Variants in SYNPO2 observed in about 807,000 individuals in gnomAD.
The protein encoded by SYNPO2 is synaptopodin 2.
A neutral mutation model predicts 85.0 loss-of-function variants in SYNPO2; 56 were observed. The observed-to-expected ratio is 0.66, with a 90% CI of 0.53 to 0.82. The LOEUF (loss-of-function observed/expected upper bound fraction) is 0.82. Among genes scored for constraint, SYNPO2 ranks in the 40% least tolerant of loss-of-function variants. The probability of loss-of-function intolerance (pLI) is 0.00; values close to 1 mark genes in which losing one functional copy is unlikely to be tolerated. For synonymous variants in SYNPO2, 602 were observed against 591.1 expected (o/e 1.02, Z -0.27); for missense variants, 1,575 against 1,534.2 (o/e 1.03, Z -0.44).
intron 1 of SYNPO2, among the ~76,000 whole-genome samples, chr4:118,902,919 T>C (rs1239278982): frequency 2.0e-5 from 3 of 152,204 alleles, no homozygotes; most frequent in Non-Finnish European, 2.9e-5. Context: ...TAATGTGTCT[T>C]AATTTCAGTT....
At chr4:118,855,657 T>C (rs531517613) in intron 1 of SYNPO2, among the ~76,000 whole-genome samples, 3 of 152,288 alleles carry the variant, frequency 2.0e-5, no homozygotes, top group Admixed American at 1.3e-4. Flanking sequence ...AATTAGACTA[T>C]AGTAAAATAA....
intron 1 of SYNPO2, among the ~76,000 whole-genome samples, chr4:118,975,495 A>C (rs1735689237): frequency 6.6e-6 from 1 of 152,204 alleles, no homozygotes; most frequent in South Asian, 2.1e-4. Flanking sequence ...AGGACTTGGG[A>C]TATCTACTAA....
At chr4:118,931,148 C>G (rs1183517780) in intron 1 of SYNPO2, among the ~76,000 whole-genome samples, 1 of 151,834 alleles carries the variant, frequency 6.6e-6, no homozygotes, top group Non-Finnish European at 1.5e-5. Flanking sequence ...AAATACCTTA[C>G]AGGACTTTTC....
chr4:118,980,380 TAG>T (rs1019119311), intron 1 of SYNPO2, among the ~76,000 whole-genome samples: 2 of 152,170 alleles, frequency 1.3e-5, no homozygotes, highest in African/African-American at 4.8e-5. Context: ...GCTTTTCTGG[TAG>T]AGTCTATCCA....
At chr4:118,904,559 G>A (rs1316404218) in intron 1 of SYNPO2, among the ~76,000 whole-genome samples, 1 of 152,192 alleles carries the variant, frequency 6.6e-6, no homozygotes, top group African/African-American at 2.4e-5. Context: ...ATAGGACACT[G>A]ATCTCTGAAT....
At chr4:118,856,531 T>C (rs1257114423) in intron 1 of SYNPO2, among the ~76,000 whole-genome samples, 1 of 152,138 alleles carries the variant, frequency 6.6e-6, no homozygotes, top group Non-Finnish European at 1.5e-5. Flanking sequence ...TATTTCATTT[T>C]ATTTTATGTT....
intron 1 of SYNPO2, among the ~76,000 whole-genome samples, chr4:118,930,842 C>T (rs1043120472): frequency 6.0e-5 from 9 of 150,364 alleles, no homozygotes; most frequent in East Asian, 2.0e-4. Context: ...CACTTGAGCC[C>T]GGAAGGTTGA....
intron 1 of SYNPO2, among the ~76,000 whole-genome samples, chr4:118,946,896 A>T (rs958354297): frequency 5.3e-5 from 8 of 152,198 alleles, no homozygotes; most frequent in Non-Finnish European, 1.0e-4. Context: ...CATTAAAAGA[A>T]ATATATTTAG....
At chr4:118,874,445 T>C (rs534264086) in intron 1 of SYNPO2, among the ~76,000 whole-genome samples, 10 of 152,338 alleles carry the variant, frequency 6.6e-5, no homozygotes, top group African/African-American at 2.4e-4. Flanking sequence ...AATTCTCTCC[T>C]AATTTGTGTG....
rs943805451 is a variant in SYNPO2 at position 119,031,531 on chromosome 4, C to G, written c.2756C>G (p.Ala919Gly). ...ASWKYSSNVR[A>G]PPPVAYNPIH... ...TGGAAGTACTCCTCCAATGTCCGAG[C>G]ACCTCCTCCTGTGGCCTATAATCCT... Residue 919 changes from alanine (A) to glycine (G), a missense_variant, in exon 4 of 5, where the codon GCA (alanine) becomes GGA (glycine). Physicochemically the swap from Ala to Gly is moderately conservative, Grantham distance 60. This residue lies in a region of SYNPO2 where 1,508 missense variants were observed against 1,446.8 expected (regional missense o/e 1.04). Transcript: ENST00000307142. The G allele has an allele frequency of 5.6e-6, 9 of 1,614,186 alleles. No individual in the cohort carries two copies. The highest frequency in any genetic ancestry group is 7.6e-6 in the Non-Finnish European group (9 of 1,180,020).
intron 1 of SYNPO2, among the ~76,000 whole-genome samples, chr4:119,015,597 T>C (rs553805177): frequency 1.3e-5 from 2 of 152,354 alleles, no homozygotes; most frequent in East Asian, 3.9e-4. Context: ...ACTTTATTAA[T>C]GCAGAAATGC....
chr4:119,010,504 TC>T (rs1175369548), intron 1 of SYNPO2, among the ~76,000 whole-genome samples: 2 of 151,716 alleles, frequency 1.3e-5, no homozygotes, highest in East Asian at 1.9e-4. Flanking sequence ...TCCCACCAGG[TC>T]CCCCCCACAA....
chr4:118,876,714 T>C (rs1168204276), intron 1 of SYNPO2, among the ~76,000 whole-genome samples: 3 of 146,256 alleles, frequency 2.1e-5, no homozygotes, highest in Non-Finnish European at 4.5e-5. Flanking sequence ...TCTTTCTTTC[T>C]TTCTTTCTTT....
At chr4:118,967,656 C>T (rs947255354) in intron 1 of SYNPO2, among the ~76,000 whole-genome samples, 1 of 152,290 alleles carries the variant, frequency 6.6e-6, no homozygotes. Flanking sequence ...AGCACAATCC[C>T]TGATAGTTTC....
intron 1 of SYNPO2, among the ~76,000 whole-genome samples, chr4:118,999,258 C>T (rs762375999): frequency 7.9e-5 from 12 of 152,156 alleles, no homozygotes; most frequent in Non-Finnish European, 1.6e-4. Flanking sequence ...AGGTGATCCT[C>T]TCACCTCAGC....
chr4:119,044,419 C>T (rs530684353), intron 4 of SYNPO2, among the ~76,000 whole-genome samples: 2 of 152,258 alleles, frequency 1.3e-5, no homozygotes, highest in African/African-American at 4.8e-5. Context: ...TCACTTGGAC[C>T]AGAGATGTGA....
chr4:118,886,309 T>C (rs182221229), upstream of SYNPO2, among the ~76,000 whole-genome samples: 262 of 152,334 alleles, frequency 1.7e-3, no homozygotes, highest in African/African-American at 5.5e-3. Flanking sequence ...TACATAGGTA[T>C]ACATGTGCCA....
At chr4:118,930,328 T>C (rs575579410) in intron 1 of SYNPO2, among the ~76,000 whole-genome samples, 2 of 152,346 alleles carry the variant, frequency 1.3e-5, no homozygotes, top group East Asian at 3.9e-4. Context: ...TCAGTTGTTC[T>C]AGTTATCATA....
At chr4:118,932,864 A>C (rs1373828201) in intron 1 of SYNPO2, among the ~76,000 whole-genome samples, 1 of 152,186 alleles carries the variant, frequency 6.6e-6, no homozygotes, top group Non-Finnish European at 1.5e-5. Flanking sequence ...CCTACAACAA[A>C]ATTTCTCACT....
Sources: gnomAD v4.1 joint callset for allele counts (sites outside exome capture counted in the v4.1 genomes callset) on GRCh38, gnomAD v4.1.1 for gene constraint, gnomAD v4.1.1 regional missense constraint, MANE v1.5 for transcripts, NCBI Gene and HGNC (gene_info 2026-07-23, HGNC 2026-07-21) for gene names.